The following STAM variants were observed in gnomAD, a reference collection of about 807,000 sequenced individuals.
The protein encoded by STAM is signal transducing adaptor molecule.
A neutral mutation model predicts 63.4 loss-of-function variants in STAM; 16 were observed. The ratio of observed to expected loss-of-function variants is 0.25; its 90% CI spans 0.17 to 0.38. The LOEUF is 0.38. Ranked by LOEUF, STAM falls within the 10% of genes least tolerant of loss-of-function variation. The probability of loss-of-function intolerance (pLI) is 1.00; values close to 1 mark genes in which losing one functional copy is unlikely to be tolerated. For synonymous variants in STAM, 238 were observed against 223.9 expected (o/e 1.06, Z -0.56); for missense variants, 636 against 657.1 (o/e 0.97, Z 0.35).
In STAM at chr10:17,698,624, A is replaced by G. The variant is rs569596517; in HGVS notation, c.824-1567A>G. ...CATTCTTTTGAGGAAATAGAAGTCTATTTCACTTAGCCTGTCAAAGAGAAA... is the reference window on the plus strand; with the variant it reads ...CATTCTTTTGAGGAAATAGAAGTCTGTTTCACTTAGCCTGTCAAAGAGAAA... On this transcript the variant is annotated intron_variant, in intron 8 of 13. Transcript: ENST00000377524. Among the ~76,000 whole-genome samples, 3 of 152,150 alleles carry G rather than the reference A, an allele frequency of 2.0e-5. No individual in the cohort carries two copies. In the East Asian group the frequency reaches 5.8e-4, roughly 29 times the overall value.
chr10:17,705,043 A>C lies in STAM; in HGVS notation c.1055+19A>C, dbSNP rs369610150. 2.5e-6 allele frequency: 4 copies of C among 1,608,952 alleles called. No homozygotes were observed. The African/African-American group carries it at 4.0e-5, about 16-fold the overall frequency. ...TTGATAGGTAAAAGAACATGGGTGC[A>C]TTTATGTTGTGTACCTTCTTTCCTG... is the stretch of plus-strand genomic sequence containing the variant. On this transcript the variant is annotated intron_variant, in intron 11 of 13. Coordinates refer to ENST00000377524, the MANE Select transcript of STAM (RefSeq NM_003473.4).
At chr10:17,691,285 G>A (rs1554826760) in intron 5 of STAM, among the ~76,000 whole-genome samples, 1 of 152,132 alleles carries the variant, frequency 6.6e-6, no homozygotes, top group African/African-American at 2.4e-5. Flanking sequence ...TTGGGAGGCC[G>A]AGGCGGGTGG....
intron 2 of STAM, among the ~76,000 whole-genome samples, chr10:17,661,931 A>G (rs1382102683): frequency 6.6e-6 from 1 of 152,106 alleles, no homozygotes; most frequent in Non-Finnish European, 1.5e-5. Context: ...TTTACATTTT[A>G]GTATATTCTG....
intron 4 of STAM, among the ~76,000 whole-genome samples, chr10:17,686,422 G>C (rs767477020): frequency 6.7e-6 from 1 of 149,930 alleles, no homozygotes; most frequent in African/African-American, 2.5e-5. Flanking sequence ...TGTCACCCAG[G>C]CTGGAGTACA....
chr10:17,703,023 A>AAAAAAAAG (rs1554828727), intron 9 of STAM, among the ~76,000 whole-genome samples: 6 of 114,210 alleles, frequency 5.3e-5, no homozygotes, highest in African/African-American at 1.9e-4. Flanking sequence ...AAAAAAAAAA[A>AAAAAAAAG]AAAAGAAAAG....
Position 17,708,779 on chromosome 10 carries a change from T to G in STAM, c.1213T>G (p.Tyr405Asp). The part of the protein sequence containing the change: ...QSSGVSGSQV[Y>D]AGPPPSGAYL... Reference sequence around the variant, plus strand: ...GATTTCTCTTTAACCATCGCAGGTGTATGCAGGGCCTCCTCCAAGTGGTGC... The same window carrying G: ...GATTTCTCTTTAACCATCGCAGGTGGATGCAGGGCCTCCTCCAAGTGGTGC... The change falls in exon 13 of 14, where the codon TAT (tyrosine) becomes GAT (aspartate). Residue 405 changes from tyrosine (Y) to aspartate (D), a missense_variant. Coordinates refer to ENST00000377524, the MANE Select transcript of STAM (RefSeq NM_003473.4). 6.2e-7 allele frequency: 1 copy of G among 1,609,650 alleles called. No homozygotes were observed. The highest frequency in any genetic ancestry group is 1.1e-5 in the South Asian group (1 of 90,618).
chr10:17,680,763 G>T (rs553269030), intron 2 of STAM, among the ~76,000 whole-genome samples: 1 of 152,244 alleles, frequency 6.6e-6, no homozygotes, highest in African/African-American at 2.4e-5. Context: ...CATTTGTCCT[G>T]TTGTGACCAG....
intron 2 of STAM, among the ~76,000 whole-genome samples, chr10:17,670,247 C>G (rs1041941783): frequency 6.6e-6 from 1 of 152,110 alleles, no homozygotes; most frequent in African/African-American, 2.4e-5. Context: ...TTTTATTTTA[C>G]TAAGTCTTAA....
intron 2 of STAM, among the ~76,000 whole-genome samples, chr10:17,670,848 C>T (rs1373182806): frequency 5.4e-5 from 8 of 149,136 alleles, no homozygotes; most frequent in African/African-American, 1.2e-4. Context: ...CTATATTTTG[C>T]TCCTTTTATA....
intron 2 of STAM, among the ~76,000 whole-genome samples, chr10:17,667,740 G>T (rs1834454984): frequency 6.6e-6 from 1 of 152,216 alleles, no homozygotes; most frequent in South Asian, 2.1e-4. Flanking sequence ...TGGTATGAGG[G>T]GGTTACGTTT....
At chr10:17,690,294 A>C (rs1428123232) in intron 5 of STAM, among the ~76,000 whole-genome samples, 2 of 152,230 alleles carry the variant, frequency 1.3e-5, no homozygotes, top group South Asian at 4.1e-4. Context: ...TGGCAAGAGC[A>C]TTATGTCTTG....
At chr10:17,692,443 C>G (rs573622100) in intron 5 of STAM, among the ~76,000 whole-genome samples, 1 of 152,224 alleles carries the variant, frequency 6.6e-6, no homozygotes, top group African/African-American at 2.4e-5. Context: ...AGTGTGAGAC[C>G]TGTAAAGTAC....
intron 2 of STAM, among the ~76,000 whole-genome samples, chr10:17,665,419 C>G (rs923323115): frequency 3.3e-5 from 5 of 152,086 alleles, no homozygotes; most frequent in African/African-American, 7.2e-5. Flanking sequence ...TTACCACTTA[C>G]GTAAATTTTG....
At chr10:17,705,132 AC>A in intron 11 of STAM, 108 bp downstream of exon 11, 2 of 847,068 alleles carry the variant, frequency 2.4e-6, no homozygotes, top group Non-Finnish European at 3.8e-6. Flanking sequence ...TTGTGGAGGA[AC>A]CAACTCTCAT....
At chr10:17,703,314 A>G (rs1836100971) in intron 9 of STAM, among the ~76,000 whole-genome samples, 1 of 149,216 alleles carries the variant, frequency 6.7e-6, no homozygotes, top group African/African-American at 2.5e-5. Flanking sequence ...AAACAGAATT[A>G]TTTTGACTTG....
intron 9 of STAM, among the ~76,000 whole-genome samples, chr10:17,703,023 A>AAAAAAAAGAAAAG (rs1554828727): frequency 8.8e-6 from 1 of 114,216 alleles, no homozygotes; most frequent in African/African-American, 3.1e-5. Flanking sequence ...AAAAAAAAAA[A>AAAAAAAAGAAAAG]AAAAGAAAAG....
chr10:17,662,764 G>A (rs1316158675), intron 2 of STAM, among the ~76,000 whole-genome samples: 2 of 152,166 alleles, frequency 1.3e-5, no homozygotes, highest in South Asian at 2.1e-4. Flanking sequence ...TAGGGGAGTT[G>A]TTGTGACTTT....
intron 2 of STAM, among the ~76,000 whole-genome samples, chr10:17,675,394 C>T (rs977027371): frequency 6.6e-6 from 1 of 151,622 alleles, no homozygotes; most frequent in Non-Finnish European, 1.5e-5. Context: ...ATCTCAGCTA[C>T]TTGGAAGGCT....
At chr10:17,659,882 C>G (rs1208445359) in intron 1 of STAM, among the ~76,000 whole-genome samples, 1 of 152,142 alleles carries the variant, frequency 6.6e-6, no homozygotes, top group Non-Finnish European at 1.5e-5. Context: ...TAGAGTCCCT[C>G]AATTTTTGTT....
Sources: allele counts gnomAD v4.1 joint callset (sites outside exome capture counted in the v4.1 genomes callset), GRCh38; gene constraint gnomAD v4.1.1; transcripts MANE v1.5; gene names NCBI Gene and HGNC (gene_info 2026-07-23, HGNC 2026-07-21).